SLF2: variants seen among roughly 807,000 people sequenced by gnomAD.
SLF2 encodes SMC5/6 complex localization factor 2, also known as SMC5-SMC6 complex localization factor protein 2.
Under a neutral mutation model 124.3 loss-of-function variants are expected in SLF2, and 68 were observed. The observed-to-expected ratio is 0.55, with a 90% CI of 0.45 to 0.67. SLF2 has a LOEUF of 0.67. SLF2 is among the 30% of genes least tolerant of loss of function. SLF2 has a pLI of 0.00. For missense variants in SLF2, 1,246 were observed against 1,373.7 expected (o/e 0.91, Z 1.47); for synonymous variants, 480 against 478.8 (o/e 1.00, Z -0.03).
chr10:100,918,510 A>G (rs940515610), intron 4 of SLF2, 69 bp downstream of exon 4: 2 of 995,060 alleles, frequency 2.0e-6, no homozygotes, highest in Non-Finnish European at 3.0e-6. Flanking sequence ...TTTTTAAAAT[A>G]AATTTGTTTA....
Position 100,925,942 on chromosome 10 carries a change from GT to G in SLF2, c.1972-3del, listed in dbSNP as rs1006979226. On this transcript the variant is annotated splice_region_variant and splice_polypyrimidine_tract_variant and intron_variant, in intron 5 of 19. Transcript: ENST00000238961. ...TGGTAAAGTATTTCTAAATGTTCTT[GT>G]TTTAGGGACATGTTCATCCTGGAAC... The G allele has an allele frequency of 1.3e-6, 2 of 1,576,596 alleles. No homozygotes were observed. Among genetic ancestry groups the G allele is most frequent in the East Asian group, 2.2e-5 (1 of 44,568 alleles).
At chr10:100,955,641 C>T (rs1850315660) in intron 17 of SLF2, among the ~76,000 whole-genome samples, 1 of 151,966 alleles carries the variant, frequency 6.6e-6, no homozygotes, top group East Asian at 1.9e-4. Flanking sequence ...GGCGCGGTGG[C>T]TCACACCTGT....
chr10:100,918,812 C>T (rs1037552825), intron 4 of SLF2, among the ~76,000 whole-genome samples: 15 of 151,858 alleles, frequency 9.9e-5, no homozygotes, highest in African/African-American at 3.6e-4. Context: ...TTTGTAGAGA[C>T]GAGGTTTCGC....
chr10:100,916,143 G>T (rs1351780059), intron 2 of SLF2, 101 bp downstream of exon 2: 16 of 848,752 alleles, frequency 1.9e-5, no homozygotes, highest in Non-Finnish European at 2.9e-5. Context: ...AGTAAACGTA[G>T]TGTTCAAAAT....
intron 9 of SLF2, among the ~76,000 whole-genome samples, chr10:100,934,281 A>C (rs1426310341): frequency 6.6e-6 from 1 of 152,242 alleles, no homozygotes; most frequent in Admixed American, 6.5e-5. Context: ...TTGTTAGGCT[A>C]TACCATGATT....
intron 1 of SLF2, among the ~76,000 whole-genome samples, chr10:100,915,153 C>T (rs930406802): frequency 1.3e-5 from 2 of 152,110 alleles, no homozygotes; most frequent in African/African-American, 2.4e-5. Flanking sequence ...CCAGTCTTTA[C>T]GGTACAGAAA....
chr10:100,956,802 T>C (rs569117627), intron 18 of SLF2, among the ~76,000 whole-genome samples: 22 of 152,296 alleles, frequency 1.4e-4, no homozygotes, highest in African/African-American at 4.8e-4. Context: ...GTCATGCACC[T>C]GTAGTTCTGG....
intron 9 of SLF2, among the ~76,000 whole-genome samples, chr10:100,935,143 C>T (rs1300074910): frequency 6.6e-6 from 1 of 151,974 alleles, no homozygotes; most frequent in Non-Finnish European, 1.5e-5. Context: ...TGCCTGTAAT[C>T]CCAGCACTTT....
intron 3 of SLF2, among the ~76,000 whole-genome samples, chr10:100,917,707 G>T (rs1589941542): frequency 6.6e-6 from 1 of 152,122 alleles, no homozygotes; most frequent in African/African-American, 2.4e-5. Flanking sequence ...TTCCCAAGTA[G>T]TCGAGACTCC....
chr10:100,937,986 A>G (rs986507548), intron 10 of SLF2, among the ~76,000 whole-genome samples: 10 of 152,186 alleles, frequency 6.6e-5, no homozygotes, highest in African/African-American at 1.9e-4. Context: ...ATTGAGAAAA[A>G]GAATATAAGA....
At chr10:100,928,847 G>T (rs568561819) in intron 6 of SLF2, among the ~76,000 whole-genome samples, 1 of 152,300 alleles carries the variant, frequency 6.6e-6, no homozygotes, top group African/African-American at 2.4e-5. Context: ...TAAATGTTAG[G>T]TGTTGTGATG....
At chr10:100,951,249 A>G (rs1479066617) in intron 17 of SLF2, among the ~76,000 whole-genome samples, 1 of 152,228 alleles carries the variant, frequency 6.6e-6, no homozygotes, top group African/African-American at 2.4e-5. Flanking sequence ...ATCTCAGAAA[A>G]AAGAAGAAAA....
At chr10:100,923,267 G>A (rs1351819436) in intron 4 of SLF2, among the ~76,000 whole-genome samples, 1 of 152,096 alleles carries the variant, frequency 6.6e-6, no homozygotes, top group Non-Finnish European at 1.5e-5. Flanking sequence ...TTGAAATCAG[G>A]ATATCAATAG....
chr10:100,954,927 C>T (rs930743258), intron 17 of SLF2, among the ~76,000 whole-genome samples: 14 of 148,960 alleles, frequency 9.4e-5, no homozygotes, highest in African/African-American at 3.2e-4. Context: ...GCCTGGATAA[C>T]AAGGCAAGAC....
At chr10:100,961,008 T>TC (rs1315622007) in intron 19 of SLF2, among the ~76,000 whole-genome samples, 2 of 121,836 alleles carry the variant, frequency 1.6e-5, no homozygotes, top group African/African-American at 6.2e-5. Flanking sequence ...CTTTTTTTTT[T>TC]TTTTTTTTTT....
intron 7 of SLF2, among the ~76,000 whole-genome samples, 195 bp from the exon 8 acceptor site, chr10:100,929,635 C>G (rs1849688388): frequency 6.6e-6 from 1 of 152,090 alleles, no homozygotes; most frequent in Admixed American, 6.6e-5. Flanking sequence ...TGTTTCTTTT[C>G]ACATAGACAC....
intron 19 of SLF2, among the ~76,000 whole-genome samples, chr10:100,960,154 A>G (rs373509223): frequency 1.3e-5 from 2 of 152,220 alleles, no homozygotes; most frequent in Non-Finnish European, 2.9e-5. Flanking sequence ...CTGTATGGAT[A>G]TGTCACATTT....
chr10:100,935,420 G>T (rs1218189208), intron 9 of SLF2, among the ~76,000 whole-genome samples: 2 of 150,668 alleles, frequency 1.3e-5, no homozygotes, highest in African/African-American at 4.9e-5. Context: ...TATATCAGAG[G>T]TTAGGTGCAG....
In SLF2 at chr10:100,929,968, A is replaced by G; in HGVS notation, c.2304A>G (p.Gly768=). 6.5e-7 allele frequency: 1 copy of G among 1,548,158 alleles called. No homozygotes were observed. The change falls in exon 8 of 20, where the codon GGA becomes GGG. Residue 768 remains glycine, a synonymous_variant. Transcript: ENST00000238961. ...ATTTAAGAGACTCTGGTTTTATTGG[A>G]CAAAGTGCTGTAGAAAAACTTATTC... The part of the protein sequence containing the change: ...TLDLRDSGFI[G]QSAVEKLILK...
Sources: allele counts gnomAD v4.1 joint callset (sites outside exome capture counted in the v4.1 genomes callset), GRCh38; gene constraint gnomAD v4.1.1; transcripts MANE v1.5; gene names NCBI Gene and HGNC (gene_info 2026-07-23, HGNC 2026-07-21).